FBXL20: variants seen among roughly 807,000 people sequenced by gnomAD.
FBXL20 encodes F-box/LRR-repeat protein 20.
FBXL20 carries 11 observed loss-of-function variants against 64.0 expected under a neutral mutation model. The observed-to-expected ratio is 0.17, with a 90% confidence interval of 0.11 to 0.28. The LOEUF (loss-of-function observed/expected upper bound fraction) is 0.28. Ranked by LOEUF, FBXL20 falls within the 10% of genes least tolerant of loss-of-function variation. The probability of loss-of-function intolerance (pLI) is 1.00; values close to 1 mark genes in which losing one functional copy is unlikely to be tolerated. For synonymous variants in FBXL20, 184 were observed against 189.0 expected (o/e 0.97, Z 0.22); for missense variants, 303 against 526.2 (o/e 0.58, Z 4.15).
intron 1 of FBXL20, among the ~76,000 whole-genome samples, chr17:39,381,065 C>G (rs2048018434): frequency 6.6e-6 from 1 of 151,862 alleles, no homozygotes; most frequent in East Asian, 1.9e-4. Flanking sequence ...GAGGCTGAAG[C>G]AGGAGACTCA....
intron 6 of FBXL20, 121 bp from the exon 7 acceptor site, chr17:39,285,694 C>G (rs759808559): frequency 8.9e-5 from 40 of 448,052 alleles, no homozygotes; most frequent in Non-Finnish European, 1.4e-4. Context: ...TTTTCATACC[C>G]CTAAAAAAGC....
chr17:39,348,002 G>GA (rs572011174), intron 1 of FBXL20, among the ~76,000 whole-genome samples: 12 of 143,516 alleles, frequency 8.4e-5, no homozygotes, highest in South Asian at 4.3e-4. Context: ...TTTTTTAGAA[G>GA]AAAAAAAAAA....
At chr17:39,266,995 G>A (rs191573789) in intron 12 of FBXL20, among the ~76,000 whole-genome samples, 2 of 152,224 alleles carry the variant, frequency 1.3e-5, no homozygotes, top group East Asian at 1.9e-4. Context: ...GTTCACGCTT[G>A]TAATCCCAGC....
At chr17:39,304,688 C>T (rs979192568) in intron 2 of FBXL20, among the ~76,000 whole-genome samples, 2 of 152,154 alleles carry the variant, frequency 1.3e-5, no homozygotes, top group Non-Finnish European at 2.9e-5. Context: ...ATCACCCAGG[C>T]TCAGGTGATT....
chr17:39,272,541 A>C (rs1332317251), intron 10 of FBXL20, among the ~76,000 whole-genome samples: 1 of 151,640 alleles, frequency 6.6e-6, no homozygotes, highest in Non-Finnish European at 1.5e-5. Flanking sequence ...TCTACCAAAA[A>C]TACCAAAAAA....
intron 1 of FBXL20, among the ~76,000 whole-genome samples, chr17:39,359,580 G>A (rs2144610969): frequency 6.6e-6 from 1 of 152,136 alleles, no homozygotes; most frequent in East Asian, 1.9e-4. Context: ...TCCGGCCTGG[G>A]CAACAAGAGT....
chr17:39,381,799 A>G (rs1453721665), intron 1 of FBXL20, among the ~76,000 whole-genome samples: 1 of 146,350 alleles, frequency 6.8e-6, no homozygotes, highest in Admixed American at 6.8e-5. Context: ...TCTGAAGGGA[A>G]AAAAAAAAAA....
At chr17:39,334,918 T>C (rs1193748941) in intron 2 of FBXL20, among the ~76,000 whole-genome samples, 1 of 152,168 alleles carries the variant, frequency 6.6e-6, no homozygotes, top group East Asian at 1.9e-4. Context: ...TGAAACACCG[T>C]TGGAACAGAA....
At chr17:39,389,027 C>T (rs2048110515) in intron 1 of FBXL20, among the ~76,000 whole-genome samples, 1 of 142,588 alleles carries the variant, frequency 7.0e-6, no homozygotes, top group Non-Finnish European at 1.5e-5. Context: ...TCGCTTGAAC[C>T]CGGGAGGCGG....
chr17:39,297,575 G>A (rs56315211), intron 5 of FBXL20: 16,137 of 160,138 alleles, frequency 0.1, 884 homozygotes, highest in African/African-American at 0.15. Flanking sequence ...TTCTGGGTTG[G>A]TGAATGTAAC....
intron 1 of FBXL20, among the ~76,000 whole-genome samples, chr17:39,360,197 G>A (rs1226916663): frequency 6.6e-6 from 1 of 152,162 alleles, no homozygotes; most frequent in African/African-American, 2.4e-5. Flanking sequence ...ATTCATAAGA[G>A]AAAGGATAGT....
intron 1 of FBXL20, among the ~76,000 whole-genome samples, chr17:39,356,629 T>G (rs2047743702): frequency 6.6e-6 from 1 of 152,030 alleles, no homozygotes; most frequent in African/African-American, 2.4e-5. Context: ...CGGCTAGGAT[T>G]ATAGGCATGA....
intron 2 of FBXL20, among the ~76,000 whole-genome samples, chr17:39,338,460 C>T (rs981027561): frequency 6.6e-6 from 1 of 152,184 alleles, no homozygotes; most frequent in Non-Finnish European, 1.5e-5. Flanking sequence ...TGTTTATCTG[C>T]TGACCTTCCC....
chr17:39,304,749 G>A (rs899981539), intron 2 of FBXL20, among the ~76,000 whole-genome samples: 1 of 151,994 alleles, frequency 6.6e-6, no homozygotes, highest in African/African-American at 2.4e-5. Flanking sequence ...ATGCCACCAT[G>A]CTCAGCTAAT....
intron 1 of FBXL20, among the ~76,000 whole-genome samples, chr17:39,383,945 A>T (rs1371894753): frequency 6.6e-6 from 1 of 151,902 alleles, no homozygotes; most frequent in Non-Finnish European, 1.5e-5. Context: ...TATACATAAA[A>T]TTTACAGGCC....
At chr17:39,375,027 C>T (rs753523479) in intron 1 of FBXL20, among the ~76,000 whole-genome samples, 39 of 152,154 alleles carry the variant, frequency 2.6e-4, no homozygotes, top group Non-Finnish European at 5.9e-5. Context: ...CCTCGTGATC[C>T]ACCTGCCTCG....
chr17:39,349,892 C>T (rs1488028027), intron 1 of FBXL20, among the ~76,000 whole-genome samples: 17 of 149,858 alleles, frequency 1.1e-4, no homozygotes, highest in Admixed American at 6.6e-4. Flanking sequence ...GCAGAGATCG[C>T]GCCACTGCAC....
chr17:39,282,886 T>A (rs377503075), intron 7 of FBXL20, 31 bp from the exon 8 acceptor site: 5 of 1,612,068 alleles, frequency 3.1e-6, no homozygotes, highest in Non-Finnish European at 4.2e-6. Context: ...GAGAAACATA[T>A]CACTAAATCC....
chr17:39,297,780 G>A (rs2047099505), intron 5 of FBXL20, among the ~76,000 whole-genome samples: 1 of 152,128 alleles, frequency 6.6e-6, no homozygotes, highest in South Asian at 2.1e-4. Flanking sequence ...CTGTCACCCA[G>A]GCTGGAGTAT....
Sources: gnomAD v4.1 joint callset for allele counts (sites outside exome capture counted in the v4.1 genomes callset) on GRCh38, gnomAD v4.1.1 for gene constraint, MANE v1.5 for transcripts, NCBI Gene and HGNC (gene_info 2026-07-23, HGNC 2026-07-21) for gene names.